GNE: variants seen among roughly 807,000 people sequenced by gnomAD.
The protein encoded by GNE is glucosamine (UDP-N-acetyl)-2-epimerase/N-acetylmannosamine kinase.
A neutral mutation model predicts 61.8 loss-of-function variants in GNE; 41 were observed. That is an observed-to-expected ratio of 0.66 (90% CI 0.52 to 0.86). The LOEUF is 0.86. GNE is among the 40% of genes least tolerant of loss of function. The pLI, the probability that GNE is intolerant of heterozygous loss-of-function variation, is 0.00. For synonymous variants in GNE, 264 were observed against 326.4 expected (o/e 0.81, Z 2.06); for missense variants, 608 against 909.1 (o/e 0.67, Z 4.26).
chr9:36,254,595 A>G (rs1371926029), intron 1 of GNE, among the ~76,000 whole-genome samples: 2 of 152,068 alleles, frequency 1.3e-5, no homozygotes, highest in African/African-American at 2.4e-5. Context: ...GGAGGCAATC[A>G]CTTTTCATCA....
Position 36,263,555 on chromosome 9 carries a change from AC to A in GNE, c.51+13338del, listed in dbSNP as rs35754022. ...CAGCCCACATCTCTCTGAATGGCTC[AC>A]ATCAAGGTCTTAAGAGATTTTAAAA... On this transcript the variant is annotated intron_variant, in intron 1 of 11. Transcript: ENST00000396594. 8.7e-3 allele frequency: 1,334 copies of A among 152,880 alleles called. 16 individuals are homozygous for A. The highest frequency in any genetic ancestry group is 0.03 in the African/African-American group (1,265 of 41,596). 9.5% of individuals were successfully genotyped at this position (152,880 alleles called of 1,614,324 possible).
intron 1 of GNE, chr9:36,265,111 C>T (rs779797180): frequency 3.5e-6 from 1 of 287,664 alleles, no homozygotes; most frequent in South Asian, 3.6e-5. Flanking sequence ...GCGAGGCGCC[C>T]ACTGCTGCTC....
chr9:36,265,608 C>A, intron 1 of GNE: 1 of 359,990 alleles, frequency 2.8e-6, no homozygotes. Flanking sequence ...ATCTCAGCCA[C>A]AACACTTTTA....
intron 3 of GNE, among the ~76,000 whole-genome samples, chr9:36,240,708 A>G (rs972166481): frequency 1.3e-5 from 2 of 152,260 alleles, no homozygotes; most frequent in South Asian, 4.1e-4. Context: ...ATCTTGTAGA[A>G]TAGTGTCAAA....
At chr9:36,249,698 G>A (rs542236622) in intron 1 of GNE, among the ~76,000 whole-genome samples, 2 of 151,892 alleles carry the variant, frequency 1.3e-5, no homozygotes, top group East Asian at 3.9e-4. Flanking sequence ...CTAACGTGGT[G>A]AAACCCCGTC....
chr9:36,247,051 T>C (rs140881615), intron 2 of GNE, among the ~76,000 whole-genome samples: 1,678 of 151,632 alleles, frequency 0.011, 32 homozygotes, highest in African/African-American at 0.037. Context: ...GGAAAATGTT[T>C]TTTACCCTTT....
At position 36,234,152 on chromosome 9, in the gene GNE, C is replaced by A. The variant is rs756901203; in HGVS notation, c.770-20G>T. 50 of 1,577,802 alleles carry A rather than the reference C, an allele frequency of 3.2e-5. No individual in the cohort carries two copies. Among genetic ancestry groups the A allele is most frequent in the Non-Finnish European group, 4.0e-5 (46 of 1,147,124 alleles). On this transcript the variant is annotated intron_variant, in intron 4 of 11. Transcript: ENST00000642385. ...TGCTCCCTATGAAAATGAAAAGAAC[C>A]AATTGGTAAATGGTTTGTGAGATAA... is the stretch of plus-strand genomic sequence containing the variant.
At chr9:36,262,170 A>T (rs879760174), upstream of GNE, among the ~76,000 whole-genome samples, 1 of 152,140 alleles carries the variant, frequency 6.6e-6, no homozygotes, top group African/African-American at 2.4e-5. Flanking sequence ...AATGTGTTTT[A>T]AAAATAATGC....
At position 36,215,084 on chromosome 9, in the gene GNE, G is replaced by A. The variant is rs1246721859; in HGVS notation, c.*2281C>T. The stretch of plus-strand genomic sequence containing the variant: ...TTACACCTGTAATCCCAGCACTTTG[G>A]GAGGCAGAGGCGGGCGGATCACCTG... On this transcript the variant is annotated 3_prime_UTR_variant, in exon 12 of 12. Coordinates refer to ENST00000642385, the MANE Select transcript of GNE (RefSeq NM_005476.7). The A allele has an allele frequency of 6.6e-6, 1 of 152,122 alleles. No homozygotes were observed. Among genetic ancestry groups the A allele is most frequent in the Admixed American group, 6.5e-5 (1 of 15,272 alleles). The allele number at this position is 152,122 out of a possible 1,614,324, so 9.4% of individuals were successfully genotyped here. A position where few individuals can be genotyped will look rare whatever the true frequency, so the allele number is the denominator to read the frequency against.
intron 9 of GNE, among the ~76,000 whole-genome samples, chr9:36,220,394 G>C (rs1195645484): frequency 6.6e-6 from 1 of 152,144 alleles, no homozygotes; most frequent in African/African-American, 2.4e-5. Flanking sequence ...AGCCACGCAG[G>C]CACAGCACCC....
chr9:36,274,605 C>T (rs1484251488), intron 1 of GNE, among the ~76,000 whole-genome samples: 1 of 152,176 alleles, frequency 6.6e-6, no homozygotes. Context: ...ACTTCTCTGA[C>T]TCATACTTTC....
chr9:36,241,582 T>C lies in GNE; in HGVS notation c.616+4449A>G, dbSNP rs569009070. Among the ~76,000 whole-genome samples the C allele has an allele frequency of 1.9e-4, 29 of 152,312 alleles. 1 individual carries two copies. In the South Asian group the frequency reaches 4.1e-3, roughly 22 times the overall value. On this transcript the variant is annotated intron_variant, in intron 3 of 11. Transcript: ENST00000642385. Reference sequence around the variant, plus strand: ...CTCCACCTGGCACTTCTGATATTATTACCAGTCTTTGTATCTATCCATAAT... The same window carrying C: ...CTCCACCTGGCACTTCTGATATTATCACCAGTCTTTGTATCTATCCATAAT...
At chr9:36,239,848 GTATTTTATTT>G (rs1275676910) in intron 3 of GNE, among the ~76,000 whole-genome samples, 1 of 151,478 alleles carries the variant, frequency 6.6e-6, no homozygotes, top group South Asian at 2.1e-4. Flanking sequence ...ATATTCCTAA[GTATTTTATTT>G]TATTTTATAT....
intron 7 of GNE, among the ~76,000 whole-genome samples, chr9:36,226,594 C>T (rs1457431796): frequency 6.6e-6 from 1 of 152,162 alleles, no homozygotes; most frequent in African/African-American, 2.4e-5. Flanking sequence ...AATAAATTTC[C>T]TACAACTTTA....
At chr9:36,261,708 C>A (rs1028852033), upstream of GNE, among the ~76,000 whole-genome samples, 1 of 151,876 alleles carries the variant, frequency 6.6e-6, no homozygotes, top group Non-Finnish European at 1.5e-5. Context: ...ATCACGAGGT[C>A]AGGAGATCAA....
chr9:36,222,810 G>C lies in GNE; in HGVS notation c.1600C>G (p.Leu534Val), dbSNP rs759962267. 3 of 1,613,896 alleles carry C rather than the reference G, an allele frequency of 1.9e-6. No individual in the cohort carries two copies. The South Asian group carries it at 3.3e-5, about 18-fold the overall frequency. Reference protein sequence around the residue: ...AERKFGQGKGLENFVTLITGT... With the variant: ...AERKFGQGKGVENFVTLITGT... ...GTGATAAGTGTAACAAAGTTTTCCA[G>C]TCCCTTTCCTTGGCCAAATTTCCTT... Residue 534 changes from leucine (L) to valine (V), a missense_variant, in exon 9 of 12, where the codon CTG (leucine) becomes GTG (valine). Leu to Val is a conservative substitution (Grantham distance 32). Coordinates refer to ENST00000642385, the MANE Select transcript of GNE (RefSeq NM_005476.7).
intron 1 of GNE, among the ~76,000 whole-genome samples, chr9:36,269,550 C>T (rs887748052): frequency 6.6e-6 from 1 of 151,990 alleles, no homozygotes; most frequent in African/African-American, 2.4e-5. Context: ...TTCATTCAGA[C>T]TCAAAATCAT....
At position 36,227,338 on chromosome 9, in the gene GNE, A is replaced by C; in HGVS notation, c.1191T>G (p.Ser397=). 2 of 1,608,450 alleles carry C rather than the reference A, an allele frequency of 1.2e-6. No homozygotes were observed. The change falls in exon 7 of 12, where the codon TCT becomes TCG. Residue 397 remains serine, a synonymous_variant. Transcript: ENST00000642385. ...FCFPPVKENI[S]QDIDHILETL... ...TTTCAAGAATATGGTCAATATCTTGAGAGATATTCTCCTTCACAGGAGGAA... is the reference window on the plus strand; with the variant it reads ...TTTCAAGAATATGGTCAATATCTTGCGAGATATTCTCCTTCACAGGAGGAA...
chr9:36,244,438 A>C (rs1344715023), intron 3 of GNE, among the ~76,000 whole-genome samples: 1 of 152,196 alleles, frequency 6.6e-6, no homozygotes, highest in Non-Finnish European at 1.5e-5. Flanking sequence ...TCTGATTAGC[A>C]AAAGATAATT....
Sources: allele counts gnomAD v4.1 joint callset (sites outside exome capture counted in the v4.1 genomes callset), GRCh38; gene constraint gnomAD v4.1.1; transcripts MANE v1.5; gene names NCBI Gene and HGNC (gene_info 2026-07-23, HGNC 2026-07-21).